MCF2L2: variants seen among roughly 807,000 people sequenced by gnomAD.
The protein encoded by MCF2L2 is probable guanine nucleotide exchange factor MCF2L2.
A neutral mutation model predicts 150.2 loss-of-function variants in MCF2L2; 102 were observed. The observed-to-expected ratio is 0.68, with a 90% CI of 0.58 to 0.80. The LOEUF (loss-of-function observed/expected upper bound fraction) is 0.80. Ranked by LOEUF, MCF2L2 falls within the 30% of genes least tolerant of loss-of-function variation. MCF2L2 has a pLI of 0.00. For missense variants in MCF2L2, 1,256 were observed against 1,372.8 expected (o/e 0.91, Z 1.34); for synonymous variants, 465 against 491.3 (o/e 0.95, Z 0.71).
At chr3:183,371,349 G>A (rs182775446) in intron 3 of MCF2L2, among the ~76,000 whole-genome samples, 8 of 152,164 alleles carry the variant, frequency 5.3e-5, no homozygotes, top group African/African-American at 1.2e-4. Flanking sequence ...ATCTATACAC[G>A]TAAGATGTCC....
At chr3:183,387,888 T>C in intron 2 of MCF2L2, among the ~76,000 whole-genome samples, 1 of 135,594 alleles carries the variant, frequency 7.4e-6, no homozygotes. Flanking sequence ...GTTGAGATCG[T>C]GCTATTGCAC....
In MCF2L2 at chr3:183,411,147, A is replaced by AT. The variant is rs373801176; in HGVS notation, c.76+16754dup. On this transcript the variant is annotated intron_variant, in intron 1 of 29. Coordinates refer to ENST00000328913, the MANE Select transcript of MCF2L2 (RefSeq NM_015078.4). ...CAGCAAGATGCTCCAAAAGGAGCTA[A>AT]TTTTTTTTTTGGCTTTGTTAATGTG... is the stretch of plus-strand genomic sequence containing the variant. Among the ~76,000 whole-genome samples the AT allele has an allele frequency of 9.9e-3, 1,483 of 150,234 alleles. 33 individuals carry two copies. Among genetic ancestry groups the AT allele is most frequent in the African/African-American group, 0.034 (1,399 of 41,020 alleles).
intron 1 of MCF2L2, among the ~76,000 whole-genome samples, chr3:183,418,496 T>C (rs1715712891): frequency 6.6e-6 from 1 of 152,220 alleles, no homozygotes; most frequent in Non-Finnish European, 1.5e-5. Context: ...CAAAGTCTCA[T>C]CTGAGACAAG....
intron 10 of MCF2L2, among the ~76,000 whole-genome samples, chr3:183,302,392 T>A (rs1728896910): frequency 6.6e-6 from 1 of 152,112 alleles, no homozygotes; most frequent in South Asian, 2.1e-4. Flanking sequence ...GTGCAGTACT[T>A]GGCTGGGAGG....
At chr3:183,357,593 C>T (rs1464289493) in intron 3 of MCF2L2, among the ~76,000 whole-genome samples, 1 of 152,276 alleles carries the variant, frequency 6.6e-6, no homozygotes, top group East Asian at 1.9e-4. Flanking sequence ...GCATACGACA[C>T]ACCATTTATT....
In MCF2L2 at chr3:183,230,991, G is replaced by A; in HGVS notation, c.1889C>T (p.Thr630Ile). 6.2e-7 allele frequency: 1 copy of A among 1,613,860 alleles called. No homozygotes were observed. Among genetic ancestry groups the A allele is most frequent in the Non-Finnish European group, 8.5e-7 (1 of 1,179,882 alleles). ...AATCTCTTTTATGTAAATCTCTTCA[G>A]TCTCAAGCAAGTCACGTATAATGCG... ...RRRIIRDLLE[T>I]EEIYIKEIKS... The change falls in exon 16 of 30, where the codon ACT (threonine) becomes ATT (isoleucine). Residue 630 changes from threonine (T) to isoleucine (I), a missense_variant. Physicochemically the swap from Thr to Ile is moderately conservative, Grantham distance 89 (BLOSUM62 -1). Coordinates refer to ENST00000328913, the MANE Select transcript of MCF2L2 (RefSeq NM_015078.4).
Position 183,270,471 on chromosome 3 carries a change from C to A in MCF2L2, c.1862+6401G>T. The A allele has an allele frequency of 6.2e-7, 1 of 1,614,158 alleles. No homozygotes were observed. Among genetic ancestry groups the A allele is most frequent in the Non-Finnish European group, 8.5e-7 (1 of 1,180,028 alleles). ...AGACTTTTGGATTGGTCGTGTTCAT[C>A]GTGGTGCCCCTCCCATTAGAGATAA... is the stretch of plus-strand genomic sequence containing the variant. On this transcript the variant is annotated intron_variant, in intron 15 of 29. Coordinates refer to ENST00000328913, the MANE Select transcript of MCF2L2 (RefSeq NM_015078.4). This position sits in a 1 kb window ranked among gnomAD's most constrained non-coding sequence, Gnocchi z 4.5.
intron 1 of MCF2L2, among the ~76,000 whole-genome samples, chr3:183,410,742 C>T (rs886728546): frequency 6.6e-6 from 1 of 152,226 alleles, no homozygotes; most frequent in Admixed American, 6.5e-5. Context: ...AATGCCAGTA[C>T]TTCCCAAGTT....
chr3:183,360,606 C>A (rs529429351), intron 3 of MCF2L2, among the ~76,000 whole-genome samples: 2 of 151,954 alleles, frequency 1.3e-5, no homozygotes, highest in African/African-American at 4.8e-5. Flanking sequence ...GTCTCCTCAT[C>A]CTTAGAGGAT....
chr3:183,299,574 C>T (rs1395515019), intron 11 of MCF2L2: 1 of 161,638 alleles, frequency 6.2e-6, no homozygotes, highest in East Asian at 1.9e-4. Flanking sequence ...GTGCTCGATA[C>T]ATGGTAGGGG....
intron 15 of MCF2L2, chr3:183,265,565 G>C (rs2108432408): frequency 6.6e-6 from 1 of 152,416 alleles, no homozygotes; most frequent in Non-Finnish European, 1.5e-5. Flanking sequence ...GGGCGCAACA[G>C]TGTTGACTTG....
intron 25 of MCF2L2, among the ~76,000 whole-genome samples, chr3:183,201,915 A>G (rs1722301393): frequency 6.6e-6 from 1 of 152,184 alleles, no homozygotes. Flanking sequence ...AACACTGGAA[A>G]TTAAATGATG....
chr3:183,393,192 CTTT>C (rs11390628), intron 1 of MCF2L2, among the ~76,000 whole-genome samples: 6 of 132,022 alleles, frequency 4.5e-5, no homozygotes, highest in Admixed American at 7.7e-5. Flanking sequence ...AAACTTGTCT[CTTT>C]TTTTTTTTTT....
At chr3:183,254,251 G>A (rs1030728966) in intron 15 of MCF2L2, 2 of 152,000 alleles carry the variant, frequency 1.3e-5, no homozygotes, top group East Asian at 3.9e-4. Flanking sequence ...CGCGCGCTTG[G>A]GCCGGGGGCG....
chr3:183,251,701 C>G (rs1472052523), intron 15 of MCF2L2, among the ~76,000 whole-genome samples: 1 of 152,072 alleles, frequency 6.6e-6, no homozygotes, highest in African/African-American at 2.4e-5. Flanking sequence ...ATAAAAGTAA[C>G]TGAGCATAGC....
chr3:183,309,459 C>G (rs1486288948), intron 10 of MCF2L2, among the ~76,000 whole-genome samples: 2 of 152,096 alleles, frequency 1.3e-5, no homozygotes, highest in African/African-American at 2.4e-5. Flanking sequence ...GAGGGCAGGG[C>G]TGGTCCAGAG....
chr3:183,384,908 G>A (rs773153776), intron 2 of MCF2L2, among the ~76,000 whole-genome samples: 6 of 152,100 alleles, frequency 3.9e-5, no homozygotes, highest in Non-Finnish European at 7.4e-5. Context: ...ATGGCAGAGG[G>A]CAATACAAAT....
chr3:183,220,392 ATAT>A (rs1379377229), intron 20 of MCF2L2, among the ~76,000 whole-genome samples: 1 of 152,076 alleles, frequency 6.6e-6, no homozygotes, highest in Admixed American at 6.6e-5. Context: ...TTTTCCCATG[ATAT>A]TATATTTTTT....
At chr3:183,401,250 T>C (rs1714739190) in intron 1 of MCF2L2, among the ~76,000 whole-genome samples, 1 of 152,172 alleles carries the variant, frequency 6.6e-6, no homozygotes, top group Non-Finnish European at 1.5e-5. Context: ...TCATGCTTAA[T>C]GGTATTTATT....
Sources: allele counts gnomAD v4.1 joint callset (sites outside exome capture counted in the v4.1 genomes callset), GRCh38; gene constraint gnomAD v4.1.1; non-coding constraint Gnocchi (gnomAD v3.1); transcripts MANE v1.5; gene names NCBI Gene and HGNC (gene_info 2026-07-23, HGNC 2026-07-21).